The following C12orf56 variants were observed in gnomAD, a reference collection of about 807,000 sequenced individuals.
C12orf56 encodes uncharacterized protein C12orf56.
C12orf56 carries 71 observed loss-of-function variants against 69.9 expected under a neutral mutation model. The ratio of observed to expected loss-of-function variants is 1.02; its 90% CI spans 0.84 to 1.24. The LOEUF (loss-of-function observed/expected upper bound fraction) is 1.24, where lower values mean the gene tolerates loss of function less well. Among genes scored for constraint, C12orf56 ranks in the 50% most tolerant of loss-of-function variants. C12orf56 has a pLI of 0.00. For synonymous variants in C12orf56, 276 were observed against 274.1 expected (o/e 1.01, Z -0.07); for missense variants, 732 against 738.5 (o/e 0.99, Z 0.10).
intron 7 of C12orf56, 131 bp from the exon 8 acceptor site, chr12:64,284,884 T>G: frequency 1.5e-6 from 1 of 645,484 alleles, no homozygotes; most frequent in Non-Finnish European, 2.6e-6. Flanking sequence ...GAAATAAATT[T>G]TGTACATCAA....
chr12:64,338,305 C>A, intron 2 of C12orf56: 4 of 508,478 alleles, frequency 7.9e-6, no homozygotes, highest in South Asian at 6.7e-5. Flanking sequence ...CATTATATAT[C>A]TCAACTCCAC....
intron 1 of C12orf56, among the ~76,000 whole-genome samples, chr12:64,378,515 C>T (rs1220472099): frequency 6.6e-6 from 1 of 152,022 alleles, no homozygotes; most frequent in Non-Finnish European, 1.5e-5. Context: ...CTCACTGCAA[C>T]CTCTGCCTCC....
chr12:64,367,165 C>T (rs186228037), intron 1 of C12orf56, among the ~76,000 whole-genome samples: 2 of 56,512 alleles, frequency 3.5e-5, no homozygotes, highest in African/African-American at 1.0e-4. Flanking sequence ...TTATATATAA[C>T]ATACAGTTTA....
intron 1 of C12orf56, among the ~76,000 whole-genome samples, chr12:64,389,629 T>C (rs2039841338): frequency 6.6e-6 from 1 of 152,050 alleles, no homozygotes; most frequent in East Asian, 1.9e-4. Context: ...CCCAAGTAGT[T>C]GGGATTACAG....
intron 1 of C12orf56, among the ~76,000 whole-genome samples, chr12:64,353,275 A>G (rs1177075250): frequency 4.6e-5 from 7 of 152,018 alleles, no homozygotes; most frequent in Admixed American, 4.6e-4. Flanking sequence ...CTCCTGCCTC[A>G]GCCTCCTGAG....
At position 64,353,018 on chromosome 12, in the gene C12orf56, T is replaced by C. The variant is rs371910685; in HGVS notation, c.291A>G (p.Arg97=). The C allele has an allele frequency of 8.7e-6, 14 of 1,610,770 alleles. No homozygotes were observed. Among genetic ancestry groups the C allele is most frequent in the Non-Finnish European group, 1.2e-5 (14 of 1,179,202 alleles). ...TGATACGAATGTGTTGGCTGATTTC[T>C]CTATCTGGCGAACTCAAAAATTCCG... ...DYPEFLSSPD[R]EISQHIRIIY... is the part of the protein sequence containing the mutation. The change falls in exon 2 of 13, where the codon AGA becomes AGG. Residue 97 remains arginine, a synonymous_variant. Transcript: ENST00000543942.
chr12:64,308,933 AAAGAAAG>A (rs1454871869), intron 5 of C12orf56, among the ~76,000 whole-genome samples: 205 of 43,274 alleles, frequency 4.7e-3, no homozygotes, highest in Non-Finnish European at 7.3e-3. Context: ...AGAAAGAAAG[AAAGAAAG>A]AAGAAAGAAA....
rs2038175673 is a variant in C12orf56, at chr12:64,284,644, T to C, written c.1310+20A>G. 6.4e-7 allele frequency: 1 copy of C among 1,573,940 alleles called. No homozygotes were observed. The highest frequency in any genetic ancestry group is 8.6e-7 in the Non-Finnish European group (1 of 1,158,860). On this transcript the variant is annotated intron_variant, in intron 8 of 12. Coordinates refer to ENST00000543942, the MANE Select transcript of C12orf56 (RefSeq NM_001170633.2). ...ATGGGTTGCAACTACAAGGTCCCAATGTCTTCTAAAAGACCTTACTTCTTA... is the reference window on the plus strand; with the variant it reads ...ATGGGTTGCAACTACAAGGTCCCAACGTCTTCTAAAAGACCTTACTTCTTA...
rs201789726 is a variant in C12orf56, at chr12:64,274,966, C to T, written c.1519G>A (p.Gly507Arg). The T allele has an allele frequency of 1.6e-4, 261 of 1,609,726 alleles. No individual in the cohort carries two copies. The highest frequency in any genetic ancestry group is 5.1e-4 in the South Asian group (46 of 90,910). ...ATAGCAAACTTTGTGGATCCCAATCCGAGATTTCCCTAAAAGACTCAAGGA... is the reference window on the plus strand; with the variant it reads ...ATAGCAAACTTTGTGGATCCCAATCTGAGATTTCCCTAAAAGACTCAAGGA... ...ILLVFQQGNL[G>R]LGSTKFAISW... Residue 507 changes from glycine (G) to arginine (R), a missense_variant, in exon 11 of 13, where the codon GGA (glycine) becomes AGA (arginine). Coordinates refer to ENST00000543942, the MANE Select transcript of C12orf56 (RefSeq NM_001170633.2).
intron 1 of C12orf56, among the ~76,000 whole-genome samples, chr12:64,378,756 A>C (rs2039673905): frequency 6.6e-6 from 1 of 151,970 alleles, no homozygotes; most frequent in Non-Finnish European, 1.5e-5. Flanking sequence ...ACTTTTAAAA[A>C]TGAACAGAAC....
At chr12:64,335,583 G>A (rs1204375015) in intron 2 of C12orf56, among the ~76,000 whole-genome samples, 1 of 152,112 alleles carries the variant, frequency 6.6e-6, no homozygotes, top group Non-Finnish European at 1.5e-5. Context: ...TGTAATCCAA[G>A]CACTTCACGA....
intron 5 of C12orf56, among the ~76,000 whole-genome samples, chr12:64,312,097 G>A (rs1344410583): frequency 6.6e-6 from 1 of 152,174 alleles, no homozygotes; most frequent in Non-Finnish European, 1.5e-5. Context: ...GTGATCTAGG[G>A]ATAATGACAT....
rs147571015 is a variant in C12orf56, at chr12:64,353,027, C to G, written c.282G>C (p.Ser94=). Residue 94 remains serine, a synonymous_variant, in exon 2 of 13, where the codon TCG becomes TCC. Coordinates refer to ENST00000543942, the MANE Select transcript of C12orf56 (RefSeq NM_001170633.2). ...TGTGTTGGCTGATTTCTCTATCTGG[C>G]GAACTCAAAAATTCCGGGTAATCAT... ...LIDDYPEFLS[S]PDREISQHIR... 3 of 1,608,888 alleles carry G rather than the reference C, an allele frequency of 1.9e-6. No homozygotes were observed. The African/African-American group carries it at 4.0e-5, about 22-fold the overall frequency.
chr12:64,327,337 A>G (rs140524899), intron 3 of C12orf56, among the ~76,000 whole-genome samples: 31 of 152,356 alleles, frequency 2.0e-4, no homozygotes, highest in African/African-American at 7.5e-4. Context: ...AATCTTGACC[A>G]TTTGACAAGT....
At chr12:64,277,942 C>CA in intron 8 of C12orf56, 139 bp from the exon 9 acceptor site, 1 of 523,552 alleles carries the variant, frequency 1.9e-6, no homozygotes, top group Non-Finnish European at 3.0e-6. Flanking sequence ...AGTTTTGGAT[C>CA]CTTGGACACG....
chr12:64,373,291 C>T (rs1405180171), intron 1 of C12orf56, among the ~76,000 whole-genome samples: 1 of 151,964 alleles, frequency 6.6e-6, no homozygotes, highest in Non-Finnish European at 1.5e-5. Flanking sequence ...CCTGTCTCTA[C>T]AAAAAATATG....
chr12:64,377,835 C>T (rs752002280), intron 1 of C12orf56, among the ~76,000 whole-genome samples: 14 of 152,114 alleles, frequency 9.2e-5, no homozygotes, highest in Admixed American at 4.6e-4. Flanking sequence ...TAAAGTCTTG[C>T]GGGAATTCAG....
intron 2 of C12orf56, among the ~76,000 whole-genome samples, chr12:64,341,576 T>G (rs2039074920): frequency 6.6e-6 from 1 of 152,138 alleles, no homozygotes; most frequent in Non-Finnish European, 1.5e-5. Context: ...GTGAGTGCCT[T>G]GGTCAGAGGC....
intron 1 of C12orf56, among the ~76,000 whole-genome samples, chr12:64,367,414 C>T (rs1481576206): frequency 6.7e-6 from 1 of 148,260 alleles, no homozygotes; most frequent in Admixed American, 6.9e-5. Context: ...TACTATGGGT[C>T]TAAAAATAAA....
Sources: allele counts gnomAD v4.1 joint callset (sites outside exome capture counted in the v4.1 genomes callset), GRCh38; gene constraint gnomAD v4.1.1; transcripts MANE v1.5; gene names NCBI Gene and HGNC (gene_info 2026-07-23, HGNC 2026-07-21).